The following SEC14L1 variants were observed in gnomAD, a reference collection of about 807,000 sequenced individuals.
The protein encoded by SEC14L1 is SEC14 like lipid binding 1.
In SEC14L1, 48 loss-of-function variants were observed where a neutral mutation model predicts 85.3. The ratio of observed to expected loss-of-function variants is 0.56; its 90% CI spans 0.45 to 0.72. SEC14L1 has a LOEUF of 0.72. Ranked by LOEUF, SEC14L1 falls within the 30% of genes least tolerant of loss-of-function variation. The pLI is 0.00. For missense variants in SEC14L1, 682 were observed against 921.4 expected, an observed-to-expected ratio of 0.74 and a Z score of 3.36; for synonymous variants, 391 against 355.5, an observed-to-expected ratio of 1.10 and a Z score of -1.12.
chr17:77,149,309 C>T (rs1973453891), intron 3 of SEC14L1, among the ~76,000 whole-genome samples: 1 of 152,182 alleles, frequency 6.6e-6, no homozygotes, highest in Non-Finnish European at 1.5e-5. Flanking sequence ...GTGCTAAGGA[C>T]ATAGTCTGTG....
upstream of SEC14L1, among the ~76,000 whole-genome samples, chr17:77,138,969 CT>C (rs1401875583): frequency 6.6e-5 from 10 of 152,196 alleles, no homozygotes; most frequent in Non-Finnish European, 1.3e-4. Flanking sequence ...TTCCCAATCT[CT>C]TTTAATCTAT....
intron 3 of SEC14L1, among the ~76,000 whole-genome samples, chr17:77,155,109 T>TTTAA (rs1318910052): frequency 6.6e-6 from 1 of 152,204 alleles, no homozygotes; most frequent in African/African-American, 2.4e-5. Flanking sequence ...GGCAGCCCCA[T>TTTAA]TTAAACCTGT....
chr17:77,169,868 G>A (rs116843816), intron 3 of SEC14L1, among the ~76,000 whole-genome samples: 88 of 152,290 alleles, frequency 5.8e-4, no homozygotes, highest in Non-Finnish European at 9.3e-4. Context: ...GACAGGTGGA[G>A]GGGGTTGTAC....
At chr17:77,107,627 C>T (rs1331152664) in intron 3 of SEC14L1, among the ~76,000 whole-genome samples, 2 of 152,062 alleles carry the variant, frequency 1.3e-5, no homozygotes, top group East Asian at 1.9e-4. Flanking sequence ...CCACCCACAA[C>T]GGTGGATGGC....
At chr17:77,133,328 G>C (rs928476559) in intron 3 of SEC14L1, among the ~76,000 whole-genome samples, 2 of 152,222 alleles carry the variant, frequency 1.3e-5, no homozygotes, top group Non-Finnish European at 2.9e-5. Context: ...CCTACCTCAG[G>C]TTAATCCTGC....
At chr17:77,164,013 G>A (rs1205821437) in intron 3 of SEC14L1, among the ~76,000 whole-genome samples, 1 of 152,218 alleles carries the variant, frequency 6.6e-6, no homozygotes, top group Non-Finnish European at 1.5e-5. Flanking sequence ...CATATAACAG[G>A]TCTAAGAACA....
At position 77,162,189 on chromosome 17, in the gene SEC14L1, A is replaced by G. The variant is rs573135840; in HGVS notation, c.63+18530A>G. Among the ~76,000 whole-genome samples the G allele has an allele frequency of 5.9e-5, 9 of 151,938 alleles. No individual in the cohort carries two copies. The South Asian group carries it at 1.5e-3, about 25-fold the overall frequency. On this transcript the variant is annotated intron_variant, in intron 3 of 16. Transcript: ENST00000436233. ...GGGGAGGGACCGGCTCTCTGAGGCC[A>G]TTGGAGGCCAACCGAGGCCCCACGG... is the stretch of plus-strand genomic sequence containing the variant.
At chr17:77,104,517 T>C (rs914240142) in intron 3 of SEC14L1, among the ~76,000 whole-genome samples, 2 of 142,558 alleles carry the variant, frequency 1.4e-5, no homozygotes, top group Non-Finnish European at 3.1e-5. Flanking sequence ...TTTGGCCTGG[T>C]GTGGTGGCTC....
chr17:77,093,269 G>A (rs911723180), exon 3 of SEC14L1: 8 of 152,282 alleles, frequency 5.3e-5, no homozygotes, highest in African/African-American at 1.9e-4. Context: ...ACTTGTGTGT[G>A]TGATGAATGA....
intron 3 of SEC14L1, among the ~76,000 whole-genome samples, chr17:77,112,459 G>C (rs1014105277): frequency 1.3e-4 from 20 of 152,142 alleles, no homozygotes; most frequent in African/African-American, 4.8e-4. Flanking sequence ...TACTGCTTTT[G>C]AAATGAGAAG....
intron 3 of SEC14L1, among the ~76,000 whole-genome samples, chr17:77,100,981 C>G (rs1598218153): frequency 6.6e-6 from 1 of 152,108 alleles, no homozygotes; most frequent in Non-Finnish European, 1.5e-5. Flanking sequence ...AATATAAGAG[C>G]TGGATTATTG....
upstream of SEC14L1, among the ~76,000 whole-genome samples, chr17:77,138,021 G>C (rs116030260): frequency 8.9e-3 from 1,362 of 152,184 alleles, 22 homozygotes; most frequent in African/African-American, 0.03. Flanking sequence ...TTGGTGGGTC[G>C]GGGGAGGCCA....
Position 77,216,611 on chromosome 17 carries a change from G to A in SEC14L1, c.*2588G>A. On this transcript the variant is annotated 3_prime_UTR_variant, in exon 17 of 17. Transcript: ENST00000436233. ...ACTCAACAGTCCTCATGTGCCCAGA[G>A]ATGTTTATAGAACTGTTTGAATTGC... 2 of 1,613,252 alleles carry A rather than the reference G, an allele frequency of 1.2e-6. No individual in the cohort carries two copies. The highest frequency in any genetic ancestry group is 1.7e-6 in the Non-Finnish European group (2 of 1,179,420).
chr17:77,145,103 GT>G (rs1973233955), intron 3 of SEC14L1: 1 of 65,734 alleles, frequency 1.5e-5, no homozygotes, highest in African/African-American at 7.4e-5. Context: ...GTATGTATGT[GT>G]GTGTGTGTGT....
chr17:77,146,921 G>A (rs1217971642), intron 3 of SEC14L1, among the ~76,000 whole-genome samples: 2 of 152,088 alleles, frequency 1.3e-5, no homozygotes, highest in African/African-American at 4.8e-5. Context: ...TGTCATTGAG[G>A]AAAACTAACA....
At chr17:77,101,191 T>C (rs1464509830) in intron 3 of SEC14L1, among the ~76,000 whole-genome samples, 2 of 152,170 alleles carry the variant, frequency 1.3e-5, no homozygotes, top group Non-Finnish European at 2.9e-5. Flanking sequence ...TCTTTTTTTT[T>C]TTTGAGACAG....
chr17:77,183,361 G>A (rs1448170764), intron 3 of SEC14L1, among the ~76,000 whole-genome samples: 1 of 152,226 alleles, frequency 6.6e-6, no homozygotes, highest in African/African-American at 2.4e-5. Flanking sequence ...AAACACATGT[G>A]CACATACATT....
At chr17:77,147,123 C>T (rs1973349164) in intron 3 of SEC14L1, among the ~76,000 whole-genome samples, 1 of 152,178 alleles carries the variant, frequency 6.6e-6, no homozygotes, top group South Asian at 2.1e-4. Flanking sequence ...GGCACGCAGT[C>T]ACGGGAGGTG....
chr17:77,205,061 C>G (rs928405369), intron 10 of SEC14L1: 1 of 523,614 alleles, frequency 1.9e-6, no homozygotes. Context: ...ACCTTTGCCA[C>G]ACATGACAGT....
Sources: gnomAD v4.1 joint callset for allele counts (sites outside exome capture counted in the v4.1 genomes callset) on GRCh38, gnomAD v4.1.1 for gene constraint, MANE v1.5 for transcripts, NCBI Gene and HGNC (gene_info 2026-07-23, HGNC 2026-07-21) for gene names.